The following PLEKHA5 variants were observed in gnomAD, a reference collection of about 807,000 sequenced individuals.
The protein encoded by PLEKHA5 is pleckstrin homology domain containing A5.
Under a neutral mutation model 181.9 loss-of-function variants are expected in PLEKHA5, and 55 were observed. That is an observed-to-expected ratio of 0.30 (90% CI 0.24 to 0.38). The LOEUF (loss-of-function observed/expected upper bound fraction) is 0.38, where lower values mean the gene tolerates loss of function less well. Ranked by LOEUF, PLEKHA5 falls within the 10% of genes least tolerant of loss-of-function variation. The pLI is 1.00. For synonymous variants in PLEKHA5, 535 were observed against 529.4 expected, an observed-to-expected ratio of 1.01 and a Z score of -0.15; for missense variants, 1,432 against 1,549.5, an observed-to-expected ratio of 0.92 and a Z score of 1.27.
At chr12:19,229,680 T>C (rs1450699625) in intron 3 of PLEKHA5, among the ~76,000 whole-genome samples, 1 of 152,122 alleles carries the variant, frequency 6.6e-6, no homozygotes, top group Non-Finnish European at 1.5e-5. Context: ...GCTTCCACAG[T>C]GTGGAAGAAG....
At chr12:19,146,850 C>T (rs1052574918) in intron 3 of PLEKHA5, among the ~76,000 whole-genome samples, 1 of 152,122 alleles carries the variant, frequency 6.6e-6, no homozygotes, top group Non-Finnish European at 1.5e-5. Flanking sequence ...GACTCTCTTA[C>T]CTTAGTTAGC....
intron 3 of PLEKHA5, among the ~76,000 whole-genome samples, chr12:19,194,057 A>G (rs2051983908): frequency 6.6e-6 from 1 of 152,124 alleles, no homozygotes; most frequent in African/African-American, 2.4e-5. Context: ...CTCACCTCCA[A>G]CATTGGGGAT....
At chr12:19,201,024 G>A (rs980039056) in intron 3 of PLEKHA5, 1 of 152,000 alleles carries the variant, frequency 6.6e-6, no homozygotes, top group Non-Finnish European at 1.5e-5. Flanking sequence ...TAGAAATTTT[G>A]CTTTATCTGT....
intron 11 of PLEKHA5, among the ~76,000 whole-genome samples, chr12:19,275,509 A>G (rs1161932857): frequency 1.3e-5 from 2 of 152,160 alleles, no homozygotes; most frequent in African/African-American, 2.4e-5. Context: ...TCGGCTTGTA[A>G]TCCCAGCACT....
chr12:19,369,686 G>A lies in PLEKHA5; in HGVS notation c.3755-7G>A. 2 of 1,580,508 alleles carry A rather than the reference G, an allele frequency of 1.3e-6. No individual in the cohort carries two copies. The highest frequency in any genetic ancestry group is 1.7e-6 in the Non-Finnish European group (2 of 1,156,082). ...TTATCTTCTCCCATTTTCTTTGTGTGTTTTAGTGAAAAGTCTGTCCCCATC... is the reference window on the plus strand; with the variant it reads ...TTATCTTCTCCCATTTTCTTTGTGTATTTTAGTGAAAAGTCTGTCCCCATC... On this transcript the variant is annotated splice_polypyrimidine_tract_variant and splice_region_variant and intron_variant, in intron 30 of 31. Coordinates refer to ENST00000429027, the MANE Select transcript of PLEKHA5 (RefSeq NM_001256470.2).
chr12:19,147,596 C>CTT (rs71064060), intron 3 of PLEKHA5, among the ~76,000 whole-genome samples: 165 of 137,604 alleles, frequency 1.2e-3, no homozygotes, highest in Middle Eastern at 3.6e-3. Context: ...TTTCTTTTTT[C>CTT]TTTTTTTTTT....
intron 3 of PLEKHA5, among the ~76,000 whole-genome samples, chr12:19,185,475 CAG>C (rs2049621882): frequency 6.6e-6 from 1 of 151,972 alleles, no homozygotes; most frequent in Admixed American, 6.6e-5. Context: ...GAGAGAAAGA[CAG>C]AGAGAGGAGG....
intron 22 of PLEKHA5, among the ~76,000 whole-genome samples, chr12:19,344,592 A>G (rs2094182172): frequency 1.3e-5 from 2 of 152,188 alleles, no homozygotes; most frequent in African/African-American, 4.8e-5. Context: ...TTAGTACTTA[A>G]TGGATTTTAA....
In PLEKHA5 at chr12:19,335,669, C is replaced by G. The variant is rs2093368629; in HGVS notation, c.2449-846C>G. Reference sequence around the variant, plus strand: ...AGTTTCAAACTCCTGACCTCGTGATCTGCCTGCCTCAGCCTCCTGAGGCGC... The same window carrying G: ...AGTTTCAAACTCCTGACCTCGTGATGTGCCTGCCTCAGCCTCCTGAGGCGC... On this transcript the variant is annotated intron_variant, in intron 20 of 31. Coordinates refer to ENST00000429027, the MANE Select transcript of PLEKHA5 (RefSeq NM_001256470.2). Among the ~76,000 whole-genome samples the G allele has an allele frequency of 2.1e-5, 3 of 143,942 alleles. No individual in the cohort carries two copies. In the Admixed American group the frequency reaches 2.2e-4, roughly 11 times the overall value. The allele number at this position is 143,942 out of a possible 152,430, so 94.4% of individuals were successfully genotyped here.
chr12:19,350,138 T>C (rs919473899), intron 25 of PLEKHA5, among the ~76,000 whole-genome samples: 1 of 152,038 alleles, frequency 6.6e-6, no homozygotes, highest in African/African-American at 2.4e-5. Context: ...GATAGATATA[T>C]CGCACTGTTT....
intron 3 of PLEKHA5, among the ~76,000 whole-genome samples, chr12:19,221,570 G>T (rs2058935271): frequency 6.6e-6 from 1 of 152,122 alleles, no homozygotes; most frequent in Non-Finnish European, 1.5e-5. Context: ...GACACTGTCT[G>T]TCAAAACCCA....
chr12:19,161,966 A>T (rs1316374440), intron 3 of PLEKHA5, among the ~76,000 whole-genome samples: 5 of 152,210 alleles, frequency 3.3e-5, no homozygotes, highest in Admixed American at 2.0e-4. Flanking sequence ...TAAAGCGGGT[A>T]TCTGCAATAA....
At position 19,177,608 on chromosome 12, in the gene PLEKHA5, A is replaced by G. The variant is rs76970978; in HGVS notation, c.227+45158A>G. On this transcript the variant is annotated intron_variant, in intron 3 of 31. Coordinates refer to ENST00000429027, the MANE Select transcript of PLEKHA5 (RefSeq NM_001256470.2). ...AGAAGTTTTGTGCTCTTCTTTTGGT[A>G]ATGTTGCTCAAATGATCATAATAAT... Among the ~76,000 whole-genome samples, 401 of 152,288 alleles carry G rather than the reference A, an allele frequency of 2.6e-3. 4 individuals carry two copies. Among genetic ancestry groups the G allele is most frequent in the Middle Eastern group, 0.01 (3 of 294 alleles).
chr12:19,300,247 A>G (rs2081097259), intron 15 of PLEKHA5, among the ~76,000 whole-genome samples: 1 of 152,236 alleles, frequency 6.6e-6, no homozygotes, highest in African/African-American at 2.4e-5. Flanking sequence ...ATTCTATTTT[A>G]ACTTCTTTCA....
chr12:19,254,765 G>A (rs1381895031), intron 4 of PLEKHA5, among the ~76,000 whole-genome samples: 2 of 152,218 alleles, frequency 1.3e-5, no homozygotes, highest in Admixed American at 6.5e-5. Flanking sequence ...AGATTCTACA[G>A]TGAACCAAGA....
chr12:19,252,224 C>T (rs1237690595), intron 3 of PLEKHA5, among the ~76,000 whole-genome samples: 1 of 152,072 alleles, frequency 6.6e-6, no homozygotes, highest in Non-Finnish European at 1.5e-5. Flanking sequence ...GGAAAAAGAA[C>T]TTAAGCATAT....
intron 31 of PLEKHA5, chr12:19,370,663 T>C (rs527828732): frequency 4.3e-4 from 65 of 152,244 alleles, no homozygotes; most frequent in African/African-American, 1.5e-3. Flanking sequence ...TAAGCATTAG[T>C]ACTAACATCT....
intron 21 of PLEKHA5, among the ~76,000 whole-genome samples, chr12:19,338,167 C>G (rs189307516): frequency 1.3e-5 from 2 of 152,212 alleles, no homozygotes; most frequent in African/African-American, 4.8e-5. Context: ...ACAATTAAAA[C>G]TGAACTTTTA....
At chr12:19,246,222 C>T (rs977781982) in intron 3 of PLEKHA5, among the ~76,000 whole-genome samples, 3 of 151,852 alleles carry the variant, frequency 2.0e-5, no homozygotes, top group African/African-American at 4.8e-5. Flanking sequence ...TCGTGATCCA[C>T]CCGCCTTGGC....
Sources: gnomAD v4.1 joint callset for allele counts (sites outside exome capture counted in the v4.1 genomes callset) on GRCh38, gnomAD v4.1.1 for gene constraint, MANE v1.5 for transcripts, NCBI Gene and HGNC (gene_info 2026-07-23, HGNC 2026-07-21) for gene names.